Variants in MED12L observed in about 807,000 individuals in gnomAD.
The protein encoded by MED12L is mediator of RNA polymerase II transcription subunit 12-like protein.
In MED12L, 60 loss-of-function variants were observed where a neutral mutation model predicts 281.3. That is an observed-to-expected ratio of 0.21 (90% CI 0.17 to 0.26). The LOEUF (loss-of-function observed/expected upper bound fraction) is 0.26, where lower values mean the gene tolerates loss of function less well. Ranked by LOEUF, MED12L falls within the 10% of genes least tolerant of loss-of-function variation. The probability of loss-of-function intolerance (pLI) is 1.00; values close to 1 mark genes in which losing one functional copy is unlikely to be tolerated. For missense variants in MED12L, 2,146 were observed against 2,680.9 expected (o/e 0.80, Z 4.41); for synonymous variants, 974 against 987.2 (o/e 0.99, Z 0.25).
chr3:151,142,617 T>C (rs1442845406), intron 5 of MED12L, among the ~76,000 whole-genome samples: 1 of 152,232 alleles, frequency 6.6e-6, no homozygotes, highest in Admixed American at 6.5e-5. Context: ...CTCTGAGATA[T>C]ATTTCATGTA....
chr3:151,405,958 CTAAAT>C (rs1716252477), intron 39 of MED12L, among the ~76,000 whole-genome samples: 1 of 152,176 alleles, frequency 6.6e-6, no homozygotes, highest in South Asian at 2.1e-4. Flanking sequence ...AACAGATAAA[CTAAAT>C]TAAATCTTAG....
At position 151,192,610 on chromosome 3, in the gene MED12L, G is replaced by A; in HGVS notation, c.2029G>A (p.Val677Ile). 6.5e-7 allele frequency: 1 copy of A among 1,536,394 alleles called. No individual in the cohort carries two copies. Among genetic ancestry groups the A allele is most frequent in the Non-Finnish European group, 8.7e-7 (1 of 1,146,876 alleles). ...DSGTTNIFDE[V>I]DKSDFKTDFG... is the part of the protein sequence containing the mutation. ...AGGAACCACTAACATTTTTGATGAA[G>A]TAGACAAGAGTGACTTTAAAACTGA... is the stretch of plus-strand genomic sequence containing the variant. Residue 677 changes from valine (V) to isoleucine (I), a missense_variant, in exon 15 of 45, where the codon GTA becomes ATA. By Grantham distance (29) the Val-to-Ile change is conservative. This residue lies in a region of MED12L where 722 missense variants were observed against 861.2 expected (regional missense o/e 0.84). Coordinates refer to ENST00000687756, the MANE Select transcript of MED12L (RefSeq NM_001393769.1).
In MED12L at chr3:151,434,524, ATG is replaced by A. The variant is rs1719880001; in HGVS notation, c.*1722_*1723del. ...TTAATAGTCTATCTGCTTTCAGAAGATGTATCATCTATCTGTACACATTTTTG... is the reference window on the plus strand; with the variant it reads ...TTAATAGTCTATCTGCTTTCAGAAGATATCATCTATCTGTACACATTTTTG... On this transcript the variant is annotated 3_prime_UTR_variant, in exon 45 of 45. Transcript: ENST00000687756. 1 of 47,318 alleles carries A rather than the reference ATG, an allele frequency of 2.1e-5. No homozygotes were observed. Among genetic ancestry groups the A allele is most frequent in the Non-Finnish European group, 5.1e-5 (1 of 19,760 alleles). 2.9% of individuals were successfully genotyped at this position (47,318 alleles called of 1,614,324 possible). A position where few individuals can be genotyped will look rare whatever the true frequency, so the allele number is the denominator to read the frequency against.
chr3:151,398,633 T>A (rs1715278755), intron 39 of MED12L, among the ~76,000 whole-genome samples: 1 of 152,220 alleles, frequency 6.6e-6, no homozygotes, highest in East Asian at 1.9e-4. Context: ...CCCTATAGCT[T>A]TAGTGCATAT....
chr3:151,413,988 T>A (rs979317683), intron 42 of MED12L, among the ~76,000 whole-genome samples: 1 of 151,976 alleles, frequency 6.6e-6, no homozygotes, highest in Non-Finnish European at 1.5e-5. Flanking sequence ...TAGCAGGGAT[T>A]ACAGGCGCCC....
chr3:151,394,308 G>A (rs1160889588), intron 38 of MED12L, among the ~76,000 whole-genome samples: 3 of 152,162 alleles, frequency 2.0e-5, no homozygotes, highest in African/African-American at 7.2e-5. Flanking sequence ...CATCACAAAG[G>A]CAGTATGTTT....
At chr3:151,243,528 C>T (rs371445715) in intron 16 of MED12L, among the ~76,000 whole-genome samples, 50 of 152,074 alleles carry the variant, frequency 3.3e-4, no homozygotes, top group East Asian at 5.8e-4. Flanking sequence ...GCTTCATAAG[C>T]GAAGGAGAAA....
chr3:151,336,333 A>C (rs1159093689), intron 16 of MED12L, among the ~76,000 whole-genome samples: 1 of 152,216 alleles, frequency 6.6e-6, no homozygotes, highest in Non-Finnish European at 1.5e-5. Context: ...TGCCGGAGAA[A>C]GAAATGTGGC....
chr3:151,237,439 T>C (rs1462913594), intron 16 of MED12L, among the ~76,000 whole-genome samples: 3 of 129,924 alleles, frequency 2.3e-5, no homozygotes. Flanking sequence ...AACCTCCACC[T>C]CCTGGGTTCA....
At chr3:151,147,486 C>T (rs936178388) in intron 5 of MED12L, among the ~76,000 whole-genome samples, 2 of 152,246 alleles carry the variant, frequency 1.3e-5, no homozygotes, top group Non-Finnish European at 2.9e-5. Context: ...TTCGCTACCC[C>T]TGAAAAACCC....
chr3:151,115,517 T>G (rs1452665599), intron 2 of MED12L, among the ~76,000 whole-genome samples: 2 of 151,368 alleles, frequency 1.3e-5, no homozygotes, highest in Non-Finnish European at 2.9e-5. Context: ...CCCAGCTAAT[T>G]TTTGTTTTTA....
At chr3:151,189,082 T>A (rs983328904) in intron 13 of MED12L, among the ~76,000 whole-genome samples, 10 of 152,166 alleles carry the variant, frequency 6.6e-5, no homozygotes, top group Admixed American at 1.3e-4. Context: ...GATTTTCATA[T>A]GACAAAATGC....
intron 16 of MED12L, among the ~76,000 whole-genome samples, chr3:151,210,414 G>A (rs1035784259): frequency 6.6e-6 from 1 of 152,202 alleles, no homozygotes; most frequent in African/African-American, 2.4e-5. Flanking sequence ...ACAACATTTC[G>A]TAAAAGACCA....
At position 151,190,901 on chromosome 3, in the gene MED12L, C is replaced by T. The variant is rs147264424; in HGVS notation, c.1938C>T (p.His646=). 2.1e-5 allele frequency: 34 copies of T among 1,614,140 alleles called. No individual in the cohort carries two copies. The South Asian group carries it at 2.7e-4, about 13-fold the overall frequency. The change falls in exon 14 of 45, where the codon CAC becomes CAT. Residue 646 remains histidine, a synonymous_variant. Coordinates refer to ENST00000687756, the MANE Select transcript of MED12L (RefSeq NM_001393769.1). ...RSPVGENADE[H]YSKDHDVKME... is the part of the protein sequence containing the mutation. ...CAGTAGGGGAAAATGCAGATGAACA[C>T]TATTCAAAGGACCATGATGTGAAAA... is the stretch of plus-strand genomic sequence containing the variant.
At chr3:151,317,208 CTT>C (rs1273293732) in intron 16 of MED12L, among the ~76,000 whole-genome samples, 1 of 151,822 alleles carries the variant, frequency 6.6e-6, no homozygotes, top group Non-Finnish European at 1.5e-5. Context: ...TAATTGATAA[CTT>C]TGGAAACTTG....
intron 5 of MED12L, among the ~76,000 whole-genome samples, chr3:151,131,776 A>C (rs952202247): frequency 6.6e-6 from 1 of 152,190 alleles, no homozygotes; most frequent in Non-Finnish European, 1.5e-5. Context: ...GTTTCTACTT[A>C]AGAACGTTAT....
intron 12 of MED12L, 53 bp downstream of exon 12, chr3:151,185,514 T>G: frequency 6.3e-7 from 1 of 1,592,664 alleles, no homozygotes; most frequent in Non-Finnish European, 8.6e-7. Context: ...AAAATACTGT[T>G]TTGGGGAAGA....
At chr3:151,273,402 ATTT>A (rs531443713) in intron 16 of MED12L, among the ~76,000 whole-genome samples, 1 of 113,670 alleles carries the variant, frequency 8.8e-6, no homozygotes. Context: ...TAATTTTTGT[ATTT>A]TTTTTTTTTT....
chr3:151,200,413 T>G (rs1360903937), intron 16 of MED12L, among the ~76,000 whole-genome samples: 2 of 152,232 alleles, frequency 1.3e-5, no homozygotes, highest in African/African-American at 4.8e-5. Flanking sequence ...GAAGATTATT[T>G]TTGTATTTTA....
Sources: allele counts gnomAD v4.1 joint callset (sites outside exome capture counted in the v4.1 genomes callset), GRCh38; gene constraint gnomAD v4.1.1; regional missense constraint gnomAD v4.1.1; transcripts MANE v1.5; gene names NCBI Gene and HGNC (gene_info 2026-07-23, HGNC 2026-07-21).